ZNF592: variants seen among roughly 807,000 people sequenced by gnomAD.
ZNF592 encodes spinocerebellar ataxia, autosomal recessive 5.
In ZNF592, 11 loss-of-function variants were observed where a neutral mutation model predicts 80.3. The ratio of observed to expected loss-of-function variants is 0.14; its 90% CI spans 0.09 to 0.23. ZNF592 has a LOEUF of 0.23. ZNF592 is among the 10% of genes least tolerant of loss of function. The pLI, the probability that ZNF592 is intolerant of heterozygous loss-of-function variation, is 1.00. For synonymous variants in ZNF592, 646 were observed against 640.3 expected, an observed-to-expected ratio of 1.01 and a Z score of -0.13; for missense variants, 1,420 against 1,633.9, an observed-to-expected ratio of 0.87 and a Z score of 2.26.
intron 5 of ZNF592, among the ~76,000 whole-genome samples, chr15:84,794,674 A>G (rs1331493355): frequency 6.6e-6 from 1 of 152,046 alleles, no homozygotes; most frequent in Admixed American, 6.5e-5. Context: ...ACGGGGTTTC[A>G]CCATTTTGGT....
At chr15:84,786,301 CAG>C (rs1962583723) in intron 4 of ZNF592, among the ~76,000 whole-genome samples, 1 of 152,144 alleles carries the variant, frequency 6.6e-6, no homozygotes, top group African/African-American at 2.4e-5. Flanking sequence ...CTTAGTTGCG[CAG>C]AGTGCCCCAG....
At chr15:84,794,868 GT>G in intron 5 of ZNF592, among the ~76,000 whole-genome samples, 1 of 152,210 alleles carries the variant, frequency 6.6e-6, no homozygotes, top group East Asian at 1.9e-4. Flanking sequence ...AGTTGTAAGA[GT>G]TTTTTATATC....
rs764036153 is a variant in ZNF592 at position 84,784,724 on chromosome 15, T to C, written c.2049T>C (p.His683=). The change falls in exon 4 of 11, where the codon CAT becomes CAC. Residue 683 remains histidine, a synonymous_variant. Transcript: ENST00000560079. This position sits in a 1 kb window ranked among gnomAD's most constrained non-coding sequence, Gnocchi z 5.8. ...AAPAPSSSPK[H]GLTSGSASPP... ...CAGCCCCTTCATCCTCTCCCAAACA[T>C]GGCCTCACTTCGGGCAGTGCCAGTC... 6.2e-7 allele frequency: 1 copy of C among 1,614,030 alleles called. No individual in the cohort carries two copies. The highest frequency in any genetic ancestry group is 8.5e-7 in the Non-Finnish European group (1 of 1,180,004).
chr15:84,760,620 A>G (rs935351745), intron 1 of ZNF592, among the ~76,000 whole-genome samples: 4 of 152,204 alleles, frequency 2.6e-5, no homozygotes, highest in African/African-American at 2.4e-5. Flanking sequence ...ATGAAAGTAC[A>G]TGCGTGCATG....
intron 5 of ZNF592, among the ~76,000 whole-genome samples, chr15:84,792,161 A>T (rs576175178): frequency 1.3e-5 from 2 of 152,138 alleles, no homozygotes; most frequent in South Asian, 4.1e-4. Context: ...GATCGTGGGA[A>T]TGGAGAGAAG....
chr15:84,793,157 A>T, intron 5 of ZNF592, among the ~76,000 whole-genome samples: 1 of 152,226 alleles, frequency 6.6e-6, no homozygotes, highest in Middle Eastern at 3.4e-3. Flanking sequence ...GCTTACTGCA[A>T]TCTCCACCTC....
In ZNF592 at chr15:84,783,883, A is replaced by G. The variant is rs1962499430; in HGVS notation, c.1208A>G (p.Lys403Arg). The G allele has an allele frequency of 6.2e-7, 1 of 1,614,206 alleles. No individual in the cohort carries two copies. Among genetic ancestry groups the G allele is most frequent in the South Asian group, 1.1e-5 (1 of 91,090 alleles). The part of the protein sequence containing the change: ...RILPDPDDPS[K>R]SPVGSPLGSA... ...CTGCCAGATCCTGATGATCCAAGTA[A>G]GTCCCCTGTTGGGTCACCTCTAGGG... Residue 403 changes from lysine to arginine, a missense_variant, in exon 4 of 11, where the codon AAG becomes AGG. Lys to Arg is a conservative substitution (Grantham distance 26, BLOSUM62 2). Coordinates refer to ENST00000560079, the MANE Select transcript of ZNF592 (RefSeq NM_014630.3). This position sits in a 1 kb window ranked among gnomAD's most constrained non-coding sequence, Gnocchi z 5.0.
In ZNF592 at chr15:84,783,789, A is replaced by G. The variant is rs750551354; in HGVS notation, c.1114A>G (p.Ile372Val). ...TGTGGCTGCCAGCTCCCCACCAGCA[A>G]TTCCCAAAGTGAGAATCAAAACCAT... is the stretch of plus-strand genomic sequence containing the variant. Reference protein sequence around the residue: ...PSVAASSPPAIPKVRIKTIKT... With the variant: ...PSVAASSPPAVPKVRIKTIKT... Residue 372 changes from isoleucine to valine, a missense_variant, in exon 4 of 11, where the codon ATT becomes GTT. Physicochemically the swap from Ile to Val is conservative, Grantham distance 29. This residue lies in a region of ZNF592 where 524 missense variants were observed against 628.3 expected (regional missense o/e 0.83). Coordinates refer to ENST00000560079, the MANE Select transcript of ZNF592 (RefSeq NM_014630.3). The surrounding 1 kb of genome is among the most constrained non-coding windows in gnomAD (Gnocchi z 5.0). 9.9e-6 allele frequency: 16 copies of G among 1,614,104 alleles called. No homozygotes were observed. Among genetic ancestry groups the G allele is most frequent in the South Asian group, 3.3e-5 (3 of 91,086 alleles).
Position 84,784,441 on chromosome 15 carries a change from G to C in ZNF592, c.1766G>C (p.Cys589Ser). 1 of 1,614,204 alleles carries C rather than the reference G, an allele frequency of 6.2e-7. No individual in the cohort carries two copies. Among genetic ancestry groups the C allele is most frequent in the Non-Finnish European group, 8.5e-7 (1 of 1,180,048 alleles). Residue 589 changes from cysteine (C) to serine (S), a missense_variant, in exon 4 of 11, where the codon TGC becomes TCC. By Grantham distance (112) the Cys-to-Ser change is moderately radical. This residue lies in a region of ZNF592 where 524 missense variants were observed against 628.3 expected (regional missense o/e 0.83). Transcript: ENST00000560079. This position sits in a 1 kb window ranked among gnomAD's most constrained non-coding sequence, Gnocchi z 5.8. ...RIHVPASGYC[C>S]LECGDAFALE... ...CACGTGCCGGCCAGTGGGTACTGCT[G>C]CCTGGAGTGTGGAGACGCATTTGCC... is the stretch of plus-strand genomic sequence containing the variant.
rs985918697 is a variant in ZNF592 at position 84,783,846 on chromosome 15, G to A, written c.1171G>A (p.Val391Ile). The change falls in exon 4 of 11, where the codon GTC (valine) becomes ATC (isoleucine). Residue 391 changes from valine to isoleucine, a missense_variant. Physicochemically the swap from Val to Ile is conservative, Grantham distance 29 (BLOSUM62 3). Coordinates refer to ENST00000560079, the MANE Select transcript of ZNF592 (RefSeq NM_014630.3). This position sits in a 1 kb window ranked among gnomAD's most constrained non-coding sequence, Gnocchi z 5.0. ...KTSSGEIKRT[V>I]TRILPDPDDP... ...ATCATCAGGGGAAATCAAACGGACTGTCACAAGGATCCTGCCAGATCCTGA... is the reference window on the plus strand; with the variant it reads ...ATCATCAGGGGAAATCAAACGGACTATCACAAGGATCCTGCCAGATCCTGA... 1.2e-6 allele frequency: 2 copies of A among 1,614,222 alleles called. No homozygotes were observed. The highest frequency in any genetic ancestry group is 1.7e-5 in the Admixed American group (1 of 60,028).
chr15:84,798,245 G>C lies in ZNF592; in HGVS notation c.2577-70G>C. On this transcript the variant is annotated intron_variant, in intron 6 of 10. Transcript: ENST00000560079. This position sits in a 1 kb window ranked among gnomAD's most constrained non-coding sequence, Gnocchi z 4.5. Reference sequence around the variant, plus strand: ...TTCCCAAACTTGACCCTGGTTCAGAGAGAGCAGAGATGGGTGGAGGGGCTG... The same window carrying C: ...TTCCCAAACTTGACCCTGGTTCAGACAGAGCAGAGATGGGTGGAGGGGCTG... The C allele has an allele frequency of 6.2e-7, 1 of 1,609,732 alleles. No individual in the cohort carries two copies.
chr15:84,794,692 G>C (rs1962845574), intron 5 of ZNF592, among the ~76,000 whole-genome samples: 1 of 152,068 alleles, frequency 6.6e-6, no homozygotes, highest in South Asian at 2.1e-4. Context: ...GGTCAGGCTG[G>C]TCTTGAACTC....
chr15:84,784,674 G>T lies in ZNF592; in HGVS notation c.1999G>T (p.Val667Leu). The T allele has an allele frequency of 6.2e-7, 1 of 1,614,112 alleles. No individual in the cohort carries two copies. The highest frequency in any genetic ancestry group is 1.1e-5 in the South Asian group (1 of 91,086). ...SADQMFVSAP[V>L]NSTAPAAPAP... The stretch of plus-strand genomic sequence containing the variant: ...GGACCAAATGTTCGTGTCGGCCCCT[G>T]TGAACTCCACGGCACCAGCAGCCCC... Residue 667 changes from valine (V) to leucine (L), a missense_variant, in exon 4 of 11, where the codon GTG becomes TTG. Coordinates refer to ENST00000560079, the MANE Select transcript of ZNF592 (RefSeq NM_014630.3). This position sits in a 1 kb window ranked among gnomAD's most constrained non-coding sequence, Gnocchi z 5.8.
At chr15:84,749,181 G>A (rs1311653897) in intron 1 of ZNF592, among the ~76,000 whole-genome samples, 1 of 152,256 alleles carries the variant, frequency 6.6e-6, no homozygotes, top group Non-Finnish European at 1.5e-5. Flanking sequence ...CCTGAGGAAG[G>A]TTTCTCCCGG....
At chr15:84,750,880 C>T (rs1421517031) in intron 1 of ZNF592, among the ~76,000 whole-genome samples, 1 of 152,120 alleles carries the variant, frequency 6.6e-6, no homozygotes, top group Non-Finnish European at 1.5e-5. Flanking sequence ...GCAATGGGGC[C>T]TTGGGGGCAG....
chr15:84,756,203 T>C (rs1247444458), intron 1 of ZNF592, among the ~76,000 whole-genome samples: 8 of 152,338 alleles, frequency 5.3e-5, no homozygotes, highest in Admixed American at 2.0e-4. Context: ...TAGCTCATAC[T>C]AGGGGCAAGG....
At chr15:84,773,446 C>T (rs1366182672) in intron 2 of ZNF592, among the ~76,000 whole-genome samples, 1 of 152,122 alleles carries the variant, frequency 6.6e-6, no homozygotes. Flanking sequence ...CTCCTGACCT[C>T]GTGATCCACC....
intron 4 of ZNF592, among the ~76,000 whole-genome samples, chr15:84,790,447 G>A (rs1249376916): frequency 6.6e-6 from 1 of 152,166 alleles, no homozygotes; most frequent in Non-Finnish European, 1.5e-5. Flanking sequence ...CACAGTCCTG[G>A]GGCGGAACTG....
At chr15:84,791,586 G>A (rs1962751317) in intron 5 of ZNF592, among the ~76,000 whole-genome samples, 1 of 150,928 alleles carries the variant, frequency 6.6e-6, no homozygotes, top group African/African-American at 2.4e-5. Flanking sequence ...TGACTTTTTT[G>A]TGTGTACTTA....
Sources: gnomAD v4.1 joint callset for allele counts (sites outside exome capture counted in the v4.1 genomes callset) on GRCh38, gnomAD v4.1.1 for gene constraint, gnomAD v4.1.1 regional missense constraint, Gnocchi (gnomAD v3.1) non-coding constraint, MANE v1.5 for transcripts, NCBI Gene and HGNC (gene_info 2026-07-23, HGNC 2026-07-21) for gene names.